Variants in MTMR2 observed in about 807,000 individuals in gnomAD.
The protein encoded by MTMR2 is myotubularin related protein 2.
Under a neutral mutation model 86.9 loss-of-function variants are expected in MTMR2, and 55 were observed. The observed-to-expected ratio is 0.63, with a 90% CI of 0.51 to 0.79. The LOEUF (loss-of-function observed/expected upper bound fraction) is 0.79. Ranked by LOEUF, MTMR2 falls within the 30% of genes least tolerant of loss-of-function variation. The pLI is 0.00. For missense variants in MTMR2, 659 were observed against 772.3 expected, an observed-to-expected ratio of 0.85 and a Z score of 1.74; for synonymous variants, 241 against 266.8, an observed-to-expected ratio of 0.90 and a Z score of 0.94.
At chr11:95,858,197 T>C (rs1401429178) in intron 6 of MTMR2, among the ~76,000 whole-genome samples, 1 of 152,080 alleles carries the variant, frequency 6.6e-6, no homozygotes, top group East Asian at 1.9e-4. Flanking sequence ...CCCTCCCAAA[T>C]TGCTAGTGTT....
intron 3 of MTMR2, 23 bp from the exon 4 acceptor site, chr11:95,862,389 G>C (rs763901911): frequency 6.5e-7 from 1 of 1,531,388 alleles, no homozygotes; most frequent in Non-Finnish European, 9.0e-7. Context: ...GAAGTCCACA[G>C]TTTACTATAC....
intron 7 of MTMR2, among the ~76,000 whole-genome samples, chr11:95,856,326 C>A (rs1035886403): frequency 1.4e-5 from 2 of 140,328 alleles, no homozygotes; most frequent in Non-Finnish European, 3.1e-5. Context: ...GCAAGTATTA[C>A]CACTTCCTTT....
intron 1 of MTMR2, among the ~76,000 whole-genome samples, chr11:95,896,138 G>C (rs935082471): frequency 2.4e-4 from 37 of 152,016 alleles, no homozygotes; most frequent in African/African-American, 7.7e-4. Flanking sequence ...GCATGGTTCT[G>C]CCAAACTCCT....
chr11:95,867,122 C>G lies in MTMR2; in HGVS notation c.187-1446G>C, dbSNP rs145013132. 3.4e-4 allele frequency among the ~76,000 whole-genome samples: 52 copies of G among 152,108 alleles called. No individual in the cohort carries two copies. In the East Asian group the frequency reaches 8.1e-3, roughly 24 times the overall value. ...AAAATTAGACCCAAAGATAACAAAA[C>G]AAATATCAGAGTATACCGAAAAAAA... On this transcript the variant is annotated intron_variant, in intron 2 of 14. Coordinates refer to ENST00000346299, the MANE Select transcript of MTMR2 (RefSeq NM_016156.6).
chr11:95,841,052 C>T (rs1029336381), intron 12 of MTMR2, among the ~76,000 whole-genome samples: 3 of 152,024 alleles, frequency 2.0e-5, no homozygotes, highest in Admixed American at 6.6e-5. Flanking sequence ...CTACTCTTTC[C>T]AAAAGATTAA....
chr11:95,835,103 A>T lies in MTMR2; in HGVS notation c.*187T>A, dbSNP rs1190243023. On this transcript the variant is annotated 3_prime_UTR_variant, in exon 15 of 15. Coordinates refer to ENST00000346299, the MANE Select transcript of MTMR2 (RefSeq NM_016156.6). ...TAGTATCATAATCATGTAATTACAT[A>T]TGGAGTTACTTCACTTAAGCCACCT... 4.9e-6 allele frequency: 3 copies of T among 613,902 alleles called. No individual in the cohort carries two copies. Among genetic ancestry groups the T allele is most frequent in the Non-Finnish European group, 8.7e-6 (3 of 344,688 alleles). The allele number at this position is 613,902 out of a possible 1,614,324, so 38.0% of individuals were successfully genotyped here. A position where few individuals can be genotyped will look rare whatever the true frequency, so the allele number is the denominator to read the frequency against.
At chr11:95,843,046 T>C (rs535533614) in intron 11 of MTMR2, among the ~76,000 whole-genome samples, 35 of 152,198 alleles carry the variant, frequency 2.3e-4, no homozygotes, top group Non-Finnish European at 4.9e-4. Flanking sequence ...AAAGAAAAAT[T>C]AATGTATGCA....
chr11:95,892,118 C>T (rs1865735322), intron 1 of MTMR2, among the ~76,000 whole-genome samples: 1 of 152,148 alleles, frequency 6.6e-6, no homozygotes, highest in Non-Finnish European at 1.5e-5. Context: ...CGCTAATTTC[C>T]ACTGCTTTTT....
chr11:95,851,104 C>T (rs1424791071), intron 7 of MTMR2, among the ~76,000 whole-genome samples: 1 of 137,596 alleles, frequency 7.3e-6, no homozygotes, highest in African/African-American at 2.8e-5. Flanking sequence ...ACTCTGTCGC[C>T]CAGGCTGGAG....
chr11:95,919,001 C>T (rs1866812600), intron 1 of MTMR2, among the ~76,000 whole-genome samples: 1 of 152,148 alleles, frequency 6.6e-6, no homozygotes, highest in Non-Finnish European at 1.5e-5. Flanking sequence ...CCATGCCCAG[C>T]TAACTTTTTA....
intron 1 of MTMR2, among the ~76,000 whole-genome samples, chr11:95,915,840 T>G (rs980208013): frequency 6.6e-6 from 1 of 152,186 alleles, no homozygotes; most frequent in Non-Finnish European, 1.5e-5. Flanking sequence ...GCTCTTCAAG[T>G]GAAATACAAT....
Position 95,834,310 on chromosome 11 carries a change from T to C in MTMR2, c.*980A>G, listed in dbSNP as rs1020442922. On this transcript the variant is annotated 3_prime_UTR_variant, in exon 15 of 15. Transcript: ENST00000346299. ...AATACATCTTTTACATGCAGTGTGT[T>C]CTTTGGTAGACTTAATCGTTGAGTG... 2.6e-5 allele frequency: 4 copies of C among 152,470 alleles called. No homozygotes were observed. The highest frequency in any genetic ancestry group is 9.7e-5 in the African/African-American group (4 of 41,430). The allele number at this position is 152,470 out of a possible 1,614,324, so 9.4% of individuals were successfully genotyped here.
chr11:95,916,646 G>A (rs1276275299), intron 1 of MTMR2, among the ~76,000 whole-genome samples: 5 of 144,546 alleles, frequency 3.5e-5, no homozygotes, highest in African/African-American at 1.3e-4. Context: ...TAAACCTAAA[G>A]TAGAACTTAA....
chr11:95,893,500 T>G (rs898498675), intron 1 of MTMR2, among the ~76,000 whole-genome samples: 1 of 152,144 alleles, frequency 6.6e-6, no homozygotes, highest in Non-Finnish European at 1.5e-5. Context: ...TTCGCTTCCC[T>G]TCCTAACCAT....
chr11:95,919,306 T>G (rs556572233), intron 1 of MTMR2, among the ~76,000 whole-genome samples: 1 of 152,314 alleles, frequency 6.6e-6, no homozygotes, highest in East Asian at 1.9e-4. Context: ...TGATGATAAT[T>G]TTAAGGCAGG....
intron 1 of MTMR2, among the ~76,000 whole-genome samples, chr11:95,913,842 C>G (rs1454580746): frequency 6.6e-6 from 1 of 152,060 alleles, no homozygotes; most frequent in Non-Finnish European, 1.5e-5. Context: ...ACATACAAAA[C>G]AGTAGTAAAA....
At chr11:95,901,739 A>C (rs1031015616) in intron 1 of MTMR2, among the ~76,000 whole-genome samples, 4 of 152,128 alleles carry the variant, frequency 2.6e-5, no homozygotes, top group African/African-American at 9.7e-5. Context: ...CCCAATATTT[A>C]TTTTTATTAT....
intron 1 of MTMR2, among the ~76,000 whole-genome samples, chr11:95,908,808 T>C (rs913938193): frequency 2.0e-5 from 3 of 152,074 alleles, no homozygotes; most frequent in Non-Finnish European, 4.4e-5. Context: ...CTGGAACCCT[T>C]AGAAATGAAT....
chr11:95,860,146 G>C (rs1053559440), intron 5 of MTMR2, among the ~76,000 whole-genome samples: 1 of 152,080 alleles, frequency 6.6e-6, no homozygotes, highest in Non-Finnish European at 1.5e-5. Context: ...AAGTGATCAG[G>C]AAACAGTGTG....
Sources: gnomAD v4.1 joint callset for allele counts (sites outside exome capture counted in the v4.1 genomes callset) on GRCh38, gnomAD v4.1.1 for gene constraint, MANE v1.5 for transcripts, NCBI Gene and HGNC (gene_info 2026-07-23, HGNC 2026-07-21) for gene names.